TMEM165: variants seen among roughly 807,000 people sequenced by gnomAD.
TMEM165 encodes putative divalent cation/proton antiporter TMEM165.
TMEM165 carries 19 observed loss-of-function variants against 30.0 expected under a neutral mutation model. The ratio of observed to expected loss-of-function variants is 0.63; its 90% confidence interval spans 0.44 to 0.93. The LOEUF is 0.93. Ranked by LOEUF, TMEM165 falls within the 40% of genes least tolerant of loss-of-function variation. TMEM165 has a pLI of 0.00. For missense variants in TMEM165, 340 were observed against 417.0 expected (o/e 0.82, Z 1.61); for synonymous variants, 168 against 162.9 (o/e 1.03, Z -0.24).
At chr4:55,437,504 T>A (rs1367315180) in intron 3 of TMEM165, among the ~76,000 whole-genome samples, 3 of 152,226 alleles carry the variant, frequency 2.0e-5, no homozygotes, top group African/African-American at 7.2e-5. Flanking sequence ...AGAGCCTGTC[T>A]GATTCACTAA....
intron 1 of TMEM165, among the ~76,000 whole-genome samples, chr4:55,400,297 ATATTATATATAATAT>A (rs1560385984): frequency 1.0e-5 from 1 of 100,494 alleles, no homozygotes; most frequent in African/African-American, 5.1e-5. Context: ...ATTATATATA[ATATTATATATAATAT>A]TAATACTGTA....
At chr4:55,421,297 C>CTTTTTTTTTT (rs766025971) in intron 4 of TMEM165, among the ~76,000 whole-genome samples, 5 of 105,900 alleles carry the variant, frequency 4.7e-5, no homozygotes, top group Admixed American at 2.0e-4. Context: ...TTCTTTCTTT[C>CTTTTTTTTTT]TTTTTTTTTT....
At chr4:55,431,731 A>G (rs1332838794) in intron 3 of TMEM165, 1 of 152,250 alleles carries the variant, frequency 6.6e-6, no homozygotes, top group African/African-American at 2.4e-5. Flanking sequence ...CAGAAATACT[A>G]AAGTAAAATG....
At chr4:55,447,724 T>A (rs1381094078) in intron 3 of TMEM165, among the ~76,000 whole-genome samples, 2 of 152,186 alleles carry the variant, frequency 1.3e-5, no homozygotes, top group Non-Finnish European at 2.9e-5. Flanking sequence ...GTATCTCCTA[T>A]CATATATGTA....
At chr4:55,422,962 G>A (rs1722043588) in intron 4 of TMEM165, among the ~76,000 whole-genome samples, 1 of 152,084 alleles carries the variant, frequency 6.6e-6, no homozygotes, top group South Asian at 2.1e-4. Flanking sequence ...ATAAGAGATG[G>A]AGTCTTGCTT....
At chr4:55,410,081 T>G (rs912614378) in intron 1 of TMEM165, among the ~76,000 whole-genome samples, 14 of 152,156 alleles carry the variant, frequency 9.2e-5, no homozygotes, top group African/African-American at 3.1e-4. Context: ...CCCTCCTCCT[T>G]GCCTCCCACC....
intron 1 of TMEM165, among the ~76,000 whole-genome samples, chr4:55,405,022 C>T (rs563197940): frequency 6.6e-6 from 1 of 152,140 alleles, no homozygotes; most frequent in South Asian, 2.1e-4. Context: ...CTGCCTGGCT[C>T]GAAATATCTA....
At chr4:55,441,928 C>T (rs1338430832) in intron 3 of TMEM165, among the ~76,000 whole-genome samples, 1 of 152,210 alleles carries the variant, frequency 6.6e-6, no homozygotes, top group Non-Finnish European at 1.5e-5. Flanking sequence ...ATCACCTTAA[C>T]TAGCTATAGA....
intron 3 of TMEM165, chr4:55,433,445 A>G (rs747353177): frequency 1.4e-4 from 21 of 152,506 alleles, no homozygotes; most frequent in Non-Finnish European, 2.9e-4. Context: ...TGCCTTAAGG[A>G]TAACAGCAAA....
chr4:55,415,831 T>A (rs1721696667), intron 2 of TMEM165: 1 of 152,100 alleles, frequency 6.6e-6, no homozygotes, highest in African/African-American at 2.4e-5. Flanking sequence ...GCTGGTGAAT[T>A]AAAGAGTAAT....
At chr4:55,427,679 C>G (rs1365552423), downstream of TMEM165, among the ~76,000 whole-genome samples, 1 of 152,132 alleles carries the variant, frequency 6.6e-6, no homozygotes, top group Non-Finnish European at 1.5e-5. Flanking sequence ...GACAATTCCT[C>G]GTAGGGAGTA....
intron 4 of TMEM165, among the ~76,000 whole-genome samples, chr4:55,420,167 C>T (rs1458754858): frequency 7.7e-6 from 1 of 130,602 alleles, no homozygotes; most frequent in African/African-American, 2.7e-5. Flanking sequence ...TATTTAATGG[C>T]TGTACCCTAT....
chr4:55,402,386 TGC>T (rs1721034912), intron 1 of TMEM165, among the ~76,000 whole-genome samples: 2 of 65,638 alleles, frequency 3.0e-5, no homozygotes, highest in East Asian at 4.3e-4. Context: ...TTTAAGTGCG[TGC>T]GTGTGTGTGT....
At chr4:55,443,984 G>C (rs1433611978) in intron 3 of TMEM165, 31 of 1,222,808 alleles carry the variant, frequency 2.5e-5, no homozygotes, top group Non-Finnish European at 3.6e-5. Context: ...AAGCTACAAA[G>C]TATGTTTAAA....
rs536827142 is a variant in TMEM165, at chr4:55,403,025, C to T, written c.207+6629C>T. On this transcript the variant is annotated intron_variant, in intron 1 of 5. Transcript: ENST00000381334. ...CAGGATGGTCTCAATCTCCTGACCT[C>T]GTGATCCGCCCGCCTGGGCCTCCCA... 2.0e-5 allele frequency among the ~76,000 whole-genome samples: 3 copies of T among 151,442 alleles called. No individual in the cohort carries two copies. The East Asian group carries it at 5.9e-4, about 30-fold the overall frequency.
At position 55,417,995 on chromosome 4, in the gene TMEM165, A is replaced by G. The variant is rs1254854974; in HGVS notation, c.792+10A>G. On this transcript the variant is annotated intron_variant, in intron 4 of 5. Transcript: ENST00000381334. The stretch of plus-strand genomic sequence containing the variant: ...ATTGGCAGCTAGAGAGGTGAGTGAT[A>G]TTTGAGAGGAGACTGTTTAAAATGA... The G allele has an allele frequency of 3.8e-6, 6 of 1,595,062 alleles. No homozygotes were observed. In the South Asian group the frequency reaches 5.7e-5, roughly 15 times the overall value.
intron 3 of TMEM165, chr4:55,450,328 G>A (rs905590640): frequency 9.4e-6 from 14 of 1,487,062 alleles, no homozygotes; most frequent in Non-Finnish European, 1.2e-5. Context: ...ATCAGTTTTT[G>A]TCTATAACAA....
chr4:55,430,842 T>C (rs904824077), downstream of TMEM165: 4 of 152,182 alleles, frequency 2.6e-5, no homozygotes, highest in African/African-American at 9.6e-5. Context: ...GTCCACACAA[T>C]AGGCAAGATA....
At chr4:55,419,303 T>G (rs2109555636) in intron 4 of TMEM165, among the ~76,000 whole-genome samples, 1 of 152,288 alleles carries the variant, frequency 6.6e-6, no homozygotes, top group East Asian at 1.9e-4. Context: ...GGTGACTTGT[T>G]TGTTTCTGTG....
Sources: allele counts gnomAD v4.1 joint callset (sites outside exome capture counted in the v4.1 genomes callset), GRCh38; gene constraint gnomAD v4.1.1; transcripts MANE v1.5; gene names NCBI Gene and HGNC (gene_info 2026-07-23, HGNC 2026-07-21).